GSAP: variants seen among roughly 807,000 people sequenced by gnomAD.
GSAP encodes gamma-secretase-activating protein.
GSAP carries 118 observed loss-of-function variants against 131.7 expected under a neutral mutation model. That is an observed-to-expected ratio of 0.90 (90% CI 0.77 to 1.04). The LOEUF (loss-of-function observed/expected upper bound fraction) is 1.04, where lower values mean the gene tolerates loss of function less well. Ranked by LOEUF, GSAP falls within the 50% of genes least tolerant of loss-of-function variation. GSAP has a pLI of 0.00. For synonymous variants in GSAP, 381 were observed against 363.4 expected, an observed-to-expected ratio of 1.05 and a Z score of -0.55; for missense variants, 1,019 against 1,013.2, an observed-to-expected ratio of 1.01 and a Z score of -0.08.
chr7:77,322,157 A>G (rs984288376), intron 24 of GSAP, among the ~76,000 whole-genome samples: 7 of 152,268 alleles, frequency 4.6e-5, no homozygotes, highest in Non-Finnish European at 1.0e-4. Flanking sequence ...GGCAAACGCT[A>G]TCCTTGATAC....
intron 22 of GSAP, chr7:77,328,248 C>T (rs911351772): frequency 1.2e-5 from 13 of 1,041,188 alleles, no homozygotes; most frequent in African/African-American, 1.7e-5. Context: ...AGGCAAGACC[C>T]GGTAGGATCA....
intron 1 of GSAP, among the ~76,000 whole-genome samples, chr7:77,414,834 A>C (rs1260511150): frequency 7.8e-6 from 1 of 127,486 alleles, no homozygotes; most frequent in Non-Finnish European, 1.6e-5. Flanking sequence ...CTTTTCAGAC[A>C]TGTGGGCGAC....
At chr7:77,350,968 T>G (rs561123407) in intron 18 of GSAP, 82 of 244,326 alleles carry the variant, frequency 3.4e-4, no homozygotes, top group African/African-American at 1.9e-3. Flanking sequence ...CAAATCAGCT[T>G]TCATTTCCTT....
At chr7:77,332,608 G>A (rs1051153138) in intron 19 of GSAP, among the ~76,000 whole-genome samples, 2 of 152,050 alleles carry the variant, frequency 1.3e-5, no homozygotes, top group African/African-American at 2.4e-5. Flanking sequence ...GATTTTCAAA[G>A]AAATCCATGG....
At chr7:77,376,953 G>A (rs1439301114) in intron 9 of GSAP, 46 bp from the exon 10 acceptor site, 2 of 1,076,428 alleles carry the variant, frequency 1.9e-6, no homozygotes, top group Non-Finnish European at 1.4e-6. Context: ...AGGAAAAAAA[G>A]AAAAGGAAGC....
chr7:77,389,446 C>CCCA (rs1491043471), intron 5 of GSAP, among the ~76,000 whole-genome samples: 79 of 150,880 alleles, frequency 5.2e-4, no homozygotes, highest in African/African-American at 1.8e-3. Flanking sequence ...CCCTCCCCAC[C>CCCA]CAACAGTCCC....
chr7:77,377,418 A>G, intron 8 of GSAP, 28 bp from the exon 9 acceptor site: 1 of 1,455,796 alleles, frequency 6.9e-7, no homozygotes, highest in Non-Finnish European at 9.3e-7. Flanking sequence ...AAAAAAAAAA[A>G]AAAAGTATGA....
At chr7:77,348,952 G>A (rs567552211) in intron 19 of GSAP, among the ~76,000 whole-genome samples, 2 of 151,658 alleles carry the variant, frequency 1.3e-5, no homozygotes, top group South Asian at 4.1e-4. Context: ...GTGTGTGTGT[G>A]TGCACGTGCA....
At chr7:77,379,059 G>C (rs1306518884) in intron 8 of GSAP, among the ~76,000 whole-genome samples, 1 of 152,126 alleles carries the variant, frequency 6.6e-6, no homozygotes, top group Non-Finnish European at 1.5e-5. Flanking sequence ...TAGACAAGAG[G>C]AAAGTGATGC....
intron 24 of GSAP, among the ~76,000 whole-genome samples, chr7:77,321,620 T>G (rs1166033456): frequency 6.6e-6 from 1 of 152,196 alleles, no homozygotes; most frequent in Non-Finnish European, 1.5e-5. Context: ...ATCCTCTGTT[T>G]GTGTGGGCAG....
At chr7:77,392,201 G>A (rs1327580473) in intron 5 of GSAP, among the ~76,000 whole-genome samples, 1 of 150,662 alleles carries the variant, frequency 6.6e-6, no homozygotes, top group African/African-American at 2.5e-5. Context: ...CAGCCTGGGT[G>A]ACAGAGCAAG....
chr7:77,328,144 C>T (rs766718071), intron 22 of GSAP: 14 of 880,962 alleles, frequency 1.6e-5, no homozygotes, highest in Non-Finnish European at 1.9e-5. Context: ...TGTGCTCTTT[C>T]CCCCAGAACC....
chr7:77,353,049 AGGGGG>A (rs1554399662), intron 17 of GSAP, 23 bp from the exon 18 acceptor site: 5 of 1,329,824 alleles, frequency 3.8e-6, no homozygotes, highest in Admixed American at 3.4e-5. Context: ...TTTTTGAAAC[AGGGGG>A]AAAAAAGATG....
At chr7:77,338,930 C>T (rs539603511) in intron 19 of GSAP, among the ~76,000 whole-genome samples, 4 of 152,292 alleles carry the variant, frequency 2.6e-5, no homozygotes, top group South Asian at 2.1e-4. Context: ...CACACACCCC[C>T]GCCCCTCTCC....
intron 1 of GSAP, among the ~76,000 whole-genome samples, chr7:77,413,118 T>C (rs1188305484): frequency 6.6e-6 from 1 of 152,150 alleles, no homozygotes; most frequent in African/African-American, 2.4e-5. Context: ...ACCCAGTATG[T>C]TCATCAGGGA....
At chr7:77,398,244 C>T (rs1800758667) in intron 3 of GSAP, among the ~76,000 whole-genome samples, 1 of 152,094 alleles carries the variant, frequency 6.6e-6, no homozygotes, top group Non-Finnish European at 1.5e-5. Flanking sequence ...TATCTGCACA[C>T]TAAAAAAGTA....
chr7:77,311,387 T>G lies in GSAP; in HGVS notation c.2536A>C (p.Lys846Gln). ...AAGCCTAAAAGCATCGCGGTGTGTT[T>G]CAGAGCTGCTTCCTCTACAAATTCT... ...DAEFVEEAAL[K>Q]HTAMLLGL is the part of the protein sequence containing the mutation. Residue 846 changes from lysine to glutamine, a missense_variant, in exon 31 of 31, where the codon AAA becomes CAA. Coordinates refer to ENST00000257626, the MANE Select transcript of GSAP (RefSeq NM_017439.4). The G allele has an allele frequency of 6.2e-7, 1 of 1,611,648 alleles. No homozygotes were observed. The highest frequency in any genetic ancestry group is 1.1e-5 in the South Asian group (1 of 91,020).
chr7:77,387,614 A>C (rs1398455837), intron 5 of GSAP, among the ~76,000 whole-genome samples, 166 bp from the exon 6 acceptor site: 1 of 152,208 alleles, frequency 6.6e-6, no homozygotes, highest in Non-Finnish European at 1.5e-5. Flanking sequence ...CTGAAACTGT[A>C]AATCTGTTCC....
chr7:77,334,119 C>A (rs1789576387), intron 19 of GSAP, among the ~76,000 whole-genome samples: 1 of 152,150 alleles, frequency 6.6e-6, no homozygotes, highest in African/African-American at 2.4e-5. Context: ...AAGCTACATG[C>A]ACGTGTATGT....
Sources: allele counts gnomAD v4.1 joint callset (sites outside exome capture counted in the v4.1 genomes callset), GRCh38; gene constraint gnomAD v4.1.1; transcripts MANE v1.5; gene names NCBI Gene and HGNC (gene_info 2026-07-23, HGNC 2026-07-21).